RMST: variants seen among roughly 807,000 people sequenced by gnomAD.
The protein encoded by RMST is rhabdomyosarcoma 2 associated transcript.
chr12:97,543,609 T>C (rs1471746467), intron 11 of RMST, among the ~76,000 whole-genome samples: 1 of 152,036 alleles, frequency 6.6e-6, no homozygotes, highest in Non-Finnish European at 1.5e-5. Flanking sequence ...CGTATGACTA[T>C]GAATAATGCT....
chr12:97,523,332 A>ATTG (rs555270968), intron 10 of RMST, among the ~76,000 whole-genome samples: 1 of 152,140 alleles, frequency 6.6e-6, no homozygotes, highest in Non-Finnish European at 1.5e-5. Context: ...CATTGTTTTT[A>ATTG]TTGCTAATAA....
chr12:97,483,425 C>T (rs1238065185), intron 5 of RMST: 1 of 152,138 alleles, frequency 6.6e-6, no homozygotes, highest in Non-Finnish European at 1.5e-5. Flanking sequence ...ATTTTCTATT[C>T]TTCAGACTTG....
chr12:97,499,793 G>A (rs1293422782), intron 10 of RMST, among the ~76,000 whole-genome samples: 1 of 151,700 alleles, frequency 6.6e-6, no homozygotes, highest in Non-Finnish European at 1.5e-5. Context: ...CCGAGTAGCT[G>A]GGATTACAGG....
At chr12:97,495,314 A>G (rs746469620) in intron 9 of RMST, among the ~76,000 whole-genome samples, 8 of 152,102 alleles carry the variant, frequency 5.3e-5, no homozygotes, top group Non-Finnish European at 7.4e-5. Flanking sequence ...TTAAAAGAGG[A>G]CATGAGGATT....
chr12:97,550,535 T>C (rs185548140), intron 11 of RMST, among the ~76,000 whole-genome samples: 159 of 152,314 alleles, frequency 1.0e-3, no homozygotes, highest in Non-Finnish European at 1.4e-3. Flanking sequence ...TAATTTAAGA[T>C]GTAGTTAGCA....
intron 10 of RMST, among the ~76,000 whole-genome samples, chr12:97,509,063 T>A (rs531057932): frequency 1.3e-5 from 2 of 152,338 alleles, no homozygotes; most frequent in African/African-American, 4.8e-5. Context: ...GTAAAATGAA[T>A]TCTCGGAAAG....
At chr12:97,507,286 T>TA (rs1565926495) in intron 10 of RMST, among the ~76,000 whole-genome samples, 80 of 148,284 alleles carry the variant, frequency 5.4e-4, no homozygotes, top group Non-Finnish European at 6.6e-4. Context: ...CTTTTTTTTT[T>TA]TAAAAAAAAA....
At chr12:97,559,004 T>C (rs2136669058) in intron 11 of RMST, among the ~76,000 whole-genome samples, 1 of 152,290 alleles carries the variant, frequency 6.6e-6, no homozygotes, top group Middle Eastern at 3.4e-3. Flanking sequence ...ATCTCACTTG[T>C]GATAAATATC....
At chr12:97,513,814 G>A (rs1182167564) in intron 10 of RMST, among the ~76,000 whole-genome samples, 1 of 152,170 alleles carries the variant, frequency 6.6e-6, no homozygotes, top group Non-Finnish European at 1.5e-5. Flanking sequence ...TATGGTAAAT[G>A]GTGTGCTATG....
chr12:97,511,632 G>T (rs1879307484), intron 10 of RMST, among the ~76,000 whole-genome samples: 1 of 152,178 alleles, frequency 6.6e-6, no homozygotes, highest in African/African-American at 2.4e-5. Context: ...GTGACCCACA[G>T]CAAGTTATTA....
intron 11 of RMST, among the ~76,000 whole-genome samples, chr12:97,540,643 C>T (rs1882424611): frequency 6.6e-6 from 1 of 151,462 alleles, no homozygotes; most frequent in East Asian, 1.9e-4. Flanking sequence ...TCTTTTGGGC[C>T]CTAGTTTACC....
chr12:97,515,720 T>A (rs1451829422), intron 10 of RMST, among the ~76,000 whole-genome samples: 1 of 152,122 alleles, frequency 6.6e-6, no homozygotes, highest in Non-Finnish European at 1.5e-5. Flanking sequence ...ATATTTGTAA[T>A]TTTTACATTG....
chr12:97,534,439 T>C (rs1462895473), intron 11 of RMST, among the ~76,000 whole-genome samples: 11 of 151,732 alleles, frequency 7.2e-5, no homozygotes, highest in Non-Finnish European at 1.3e-4. Context: ...AAATACAACA[T>C]TCTCTAAAGC....
intron 5 of RMST, among the ~76,000 whole-genome samples, chr12:97,477,575 A>T (rs1874705402): frequency 6.6e-6 from 1 of 152,194 alleles, no homozygotes; most frequent in South Asian, 2.1e-4. Context: ...GAAACATTAA[A>T]GGATAGAAAA....
chr12:97,495,815 G>A (rs906597886), intron 9 of RMST: 2 of 152,114 alleles, frequency 1.3e-5, no homozygotes, highest in Admixed American at 6.6e-5. Flanking sequence ...CAACTTTGGG[G>A]AGCACAGTGT....
intron 5 of RMST, among the ~76,000 whole-genome samples, chr12:97,480,658 C>T (rs2136418750): frequency 6.6e-6 from 1 of 152,074 alleles, no homozygotes; most frequent in Non-Finnish European, 1.5e-5. Context: ...AAATCTGCTG[C>T]TTCCTCCCTC....
intron 6 of RMST, chr12:97,492,675 G>C (rs1372953358): frequency 6.6e-6 from 1 of 152,142 alleles, no homozygotes; most frequent in Non-Finnish European, 1.5e-5. Context: ...GTCAAGAAAA[G>C]TAGAAAGGCT....
At chr12:97,512,392 T>C (rs1279077694) in intron 10 of RMST, among the ~76,000 whole-genome samples, 1 of 152,214 alleles carries the variant, frequency 6.6e-6, no homozygotes, top group Non-Finnish European at 1.5e-5. Flanking sequence ...TTAACACTGC[T>C]GGCTCCGGCA....
rs796988546 is a variant in RMST at position 97,519,659 on chromosome 12, T to C, written n.1341-10996T>C. Among the ~76,000 whole-genome samples the C allele has an allele frequency of 7.9e-5, 12 of 152,334 alleles. 1 individual carries two copies. Among genetic ancestry groups the C allele is most frequent in the African/African-American group, 2.9e-4 (12 of 41,582 alleles). On this transcript the variant is annotated intron_variant and non_coding_transcript_variant, in intron 10 of 13. Transcript: ENST00000640149. ...TTCTTAAAAGAAAATTGTTTAGATGTTCAGAATCGGTTCTTATCAGTAGCT... is the reference window on the plus strand; with the variant it reads ...TTCTTAAAAGAAAATTGTTTAGATGCTCAGAATCGGTTCTTATCAGTAGCT...
Sources: allele counts gnomAD v4.1 joint callset (sites outside exome capture counted in the v4.1 genomes callset), GRCh38; gene constraint gnomAD v4.1.1; transcripts MANE v1.5; gene names NCBI Gene and HGNC (gene_info 2026-07-23, HGNC 2026-07-21).